The following TMOD3 variants were observed in gnomAD, a reference collection of about 807,000 sequenced individuals.
TMOD3 encodes the protein tropomodulin-3.
A neutral mutation model predicts 39.2 loss-of-function variants in TMOD3; 20 were observed. That is an observed-to-expected ratio of 0.51 (90% CI 0.36 to 0.74). The LOEUF is 0.74. TMOD3 is among the 30% of genes least tolerant of loss of function. TMOD3 has a pLI of 0.00. For synonymous variants in TMOD3, 143 were observed against 145.8 expected (o/e 0.98, Z 0.14); for missense variants, 381 against 412.8 (o/e 0.92, Z 0.67).
At position 51,911,736 on chromosome 15, in the gene TMOD3, C is replaced by T. The variant is rs988722263; in HGVS notation, c.*2926C>T. The T allele has an allele frequency of 6.6e-6, 1 of 152,102 alleles. No homozygotes were observed. Among genetic ancestry groups the T allele is most frequent in the African/African-American group, 2.4e-5 (1 of 41,420 alleles). 9.4% of individuals were successfully genotyped at this position (152,102 alleles called of 1,614,324 possible). A position where few individuals can be genotyped will look rare whatever the true frequency, so the allele number is the denominator to read the frequency against. On this transcript the variant is annotated 3_prime_UTR_variant, in exon 10 of 10. Coordinates refer to ENST00000308580, the MANE Select transcript of TMOD3 (RefSeq NM_014547.5). ...TGTCTGAATTTTTCCAGTATTCCTA[C>T]ATGAAATTGTATGTATTAAAAACTC...
intron 1 of TMOD3, chr15:51,859,191 C>G: frequency 1.4e-6 from 1 of 727,822 alleles, no homozygotes; most frequent in South Asian, 1.4e-5. Context: ...TCTTCACAAA[C>G]GGCCAGTCTG....
chr15:51,898,081 C>G (rs933134882), intron 7 of TMOD3, among the ~76,000 whole-genome samples: 5 of 152,222 alleles, frequency 3.3e-5, no homozygotes, highest in African/African-American at 1.2e-4. Flanking sequence ...GGATAACCCT[C>G]TAGCAGCTTC....
chr15:51,852,024 T>C (rs2056364562), intron 1 of TMOD3, among the ~76,000 whole-genome samples: 1 of 152,238 alleles, frequency 6.6e-6, no homozygotes, highest in South Asian at 2.1e-4. Flanking sequence ...TTCTTCCTTA[T>C]AGTACTTATT....
chr15:51,888,939 G>A (rs1218210241), intron 4 of TMOD3, 117 bp from the exon 5 acceptor site: 4 of 638,344 alleles, frequency 6.3e-6, no homozygotes, highest in Non-Finnish European at 1.1e-5. Context: ...GTGTGGGTGT[G>A]TGATCTGTAA....
At chr15:51,889,008 ACT>A (rs750470680) in intron 4 of TMOD3, 46 bp from the exon 5 acceptor site, 13 of 1,266,416 alleles carry the variant, frequency 1.0e-5, no homozygotes, top group Non-Finnish European at 1.3e-5. Context: ...TAGTTGTAAA[ACT>A]CTTCATGTTT....
intron 1 of TMOD3, among the ~76,000 whole-genome samples, chr15:51,839,624 G>T (rs534499219): frequency 6.6e-6 from 1 of 151,972 alleles, no homozygotes; most frequent in South Asian, 2.1e-4. Flanking sequence ...ATAGCTCACT[G>T]CAGCCTTGAA....
At chr15:51,839,169 T>TTTTTTTTTTTTTTTTTTTTTTTTG (rs2056301305) in intron 1 of TMOD3, among the ~76,000 whole-genome samples, 1 of 145,462 alleles carries the variant, frequency 6.9e-6, no homozygotes, top group Non-Finnish European at 1.5e-5. Flanking sequence ...ATCTCTCTTT[T>TTTTTTTTTTTTTTTTTTTTTTTTG]TTTTTTTTTC....
At chr15:51,865,903 A>T (rs12595619) in intron 2 of TMOD3, among the ~76,000 whole-genome samples, 77,806 of 151,726 alleles carry the variant, frequency 0.51, 20,385 homozygotes, top group East Asian at 0.82. Context: ...CCAAAAAAAA[A>T]ATATATATAT....
chr15:51,882,572 T>C (rs1327102020), intron 3 of TMOD3, among the ~76,000 whole-genome samples: 6 of 152,206 alleles, frequency 3.9e-5, no homozygotes, highest in African/African-American at 1.4e-4. Context: ...GTTGAAACAC[T>C]GTTCTTTCTC....
At chr15:51,854,063 G>A (rs1410969748) in intron 1 of TMOD3, among the ~76,000 whole-genome samples, 1 of 152,184 alleles carries the variant, frequency 6.6e-6, no homozygotes, top group Non-Finnish European at 1.5e-5. Context: ...AGCAGTCCGA[G>A]ATAATATAGG....
chr15:51,853,876 A>G (rs1004742751), intron 1 of TMOD3, among the ~76,000 whole-genome samples: 10 of 152,110 alleles, frequency 6.6e-5, no homozygotes, highest in Admixed American at 3.9e-4. Context: ...GACCAGGGAA[A>G]TTTTCAGGGA....
intron 1 of TMOD3, among the ~76,000 whole-genome samples, chr15:51,850,555 AAGAG>A (rs1455460332): frequency 6.6e-6 from 1 of 152,208 alleles, no homozygotes; most frequent in African/African-American, 2.4e-5. Flanking sequence ...AAAGTCATCT[AAGAG>A]AGTAGGAGAG....
intron 1 of TMOD3, chr15:51,859,689 CAG>C (rs2056406692): frequency 2.1e-6 from 1 of 485,454 alleles, no homozygotes; most frequent in Non-Finnish European, 4.1e-6. Context: ...TTCAGGTGCA[CAG>C]AGTCTTCCTC....
At chr15:51,831,545 G>A (rs1193742724) in intron 1 of TMOD3, among the ~76,000 whole-genome samples, 1 of 152,168 alleles carries the variant, frequency 6.6e-6, no homozygotes, top group Non-Finnish European at 1.5e-5. Flanking sequence ...GGTAATTTTA[G>A]AGGTATTTTC....
chr15:51,856,721 A>G (rs927510709), intron 1 of TMOD3, among the ~76,000 whole-genome samples: 1 of 152,200 alleles, frequency 6.6e-6, no homozygotes, highest in African/African-American at 2.4e-5. Flanking sequence ...AATTAAAACC[A>G]CAGTGAAATA....
chr15:51,861,345 G>A (rs1001066907), intron 1 of TMOD3: 8 of 216,060 alleles, frequency 3.7e-5, no homozygotes, highest in African/African-American at 6.9e-5. Flanking sequence ...AACACGTGCA[G>A]GAAGCTCCCC....
At chr15:51,886,600 A>C (rs756813827) in intron 3 of TMOD3, among the ~76,000 whole-genome samples, 12 of 152,292 alleles carry the variant, frequency 7.9e-5, no homozygotes, top group Middle Eastern at 6.8e-3. Flanking sequence ...GGTTGCAGTG[A>C]GCCGAGATGG....
chr15:51,885,142 T>C (rs1033124727), intron 3 of TMOD3, among the ~76,000 whole-genome samples: 5 of 152,238 alleles, frequency 3.3e-5, no homozygotes, highest in African/African-American at 1.2e-4. Context: ...ACATCTTGTT[T>C]GGTCAGCTAG....
chr15:51,875,326 G>A (rs2056496505), intron 3 of TMOD3: 1 of 152,132 alleles, frequency 6.6e-6, no homozygotes, highest in Non-Finnish European at 1.5e-5. Context: ...AATGTCCCTT[G>A]TAGACCTCTG....
Sources: allele counts gnomAD v4.1 joint callset (sites outside exome capture counted in the v4.1 genomes callset), GRCh38; gene constraint gnomAD v4.1.1; transcripts MANE v1.5; gene names NCBI Gene and HGNC (gene_info 2026-07-23, HGNC 2026-07-21).